XDH: variants seen among roughly 807,000 people sequenced by gnomAD.
The protein encoded by XDH is xanthine dehydrogenase/oxidase.
XDH carries 138 observed loss-of-function variants against 156.1 expected under a neutral mutation model. The ratio of observed to expected loss-of-function variants is 0.88; its 90% CI spans 0.77 to 1.02. XDH has a LOEUF of 1.02. XDH is among the 50% of genes least tolerant of loss of function. The pLI is 0.00. For missense variants in XDH, 1,849 were observed against 1,684.9 expected (o/e 1.10, Z -1.71); for synonymous variants, 669 against 625.7 (o/e 1.07, Z -1.03).
At chr2:31,397,381 G>T (rs1378466636) in intron 6 of XDH, among the ~76,000 whole-genome samples, 2 of 152,180 alleles carry the variant, frequency 1.3e-5, no homozygotes, top group Non-Finnish European at 2.9e-5. Flanking sequence ...AAGCCCAAAG[G>T]CACTGCCAAG....
intron 20 of XDH, among the ~76,000 whole-genome samples, chr2:31,367,385 C>T: frequency 6.6e-6 from 1 of 152,302 alleles, no homozygotes; most frequent in African/African-American, 2.4e-5. Flanking sequence ...AGCTACCAGG[C>T]CTGGTGGAGA....
chr2:31,396,146 T>C (rs899095141), intron 6 of XDH, among the ~76,000 whole-genome samples: 1 of 152,200 alleles, frequency 6.6e-6, no homozygotes, highest in African/African-American at 2.4e-5. Flanking sequence ...GCACCTTTTG[T>C]GTGTCAGGCA....
intron 24 of XDH, among the ~76,000 whole-genome samples, chr2:31,363,556 G>C (rs1442399725): frequency 6.6e-6 from 1 of 152,100 alleles, no homozygotes; most frequent in African/African-American, 2.4e-5. Context: ...AACAACTCTT[G>C]AAATTTACTA....
chr2:31,336,211 A>G (rs886163696), intron 35 of XDH, among the ~76,000 whole-genome samples: 1 of 152,260 alleles, frequency 6.6e-6, no homozygotes, highest in Non-Finnish European at 1.5e-5. Context: ...CACTTTCCAC[A>G]TGGCAGGCGT....
At chr2:31,390,118 T>A (rs1179291815) in intron 6 of XDH, among the ~76,000 whole-genome samples, 2 of 152,234 alleles carry the variant, frequency 1.3e-5, no homozygotes, top group East Asian at 3.8e-4. Flanking sequence ...ACCCTTATGA[T>A]ATCTTACAGA....
intron 1 of XDH, among the ~76,000 whole-genome samples, chr2:31,409,134 G>A (rs1357194808): frequency 6.6e-6 from 1 of 152,108 alleles, no homozygotes; most frequent in Non-Finnish European, 1.5e-5. Flanking sequence ...TGGTATCAGA[G>A]GCTGGAAAGG....
intron 28 of XDH, 94 bp downstream of exon 28, chr2:31,348,174 C>T (rs1558678400): frequency 2.2e-5 from 29 of 1,300,546 alleles, no homozygotes; most frequent in African/African-American, 4.4e-5. Flanking sequence ...GGCCAGACCC[C>T]GGGCCTGCTT....
chr2:31,381,658 C>T lies in XDH; in HGVS notation c.1107G>A (p.Gly369=), dbSNP rs775590084. The T allele has an allele frequency of 6.2e-7, 1 of 1,614,100 alleles. No homozygotes were observed. The highest frequency in any genetic ancestry group is 1.7e-5 in the Admixed American group (1 of 60,020). The change falls in exon 12 of 36, where the codon GGG becomes GGA. Residue 369 remains glycine, a synonymous_variant. Coordinates refer to ENST00000379416, the MANE Select transcript of XDH (RefSeq NM_000379.4). The part of the protein sequence containing the change: ...SDLNPVFMAS[G]AKLTLVSRGT... ...CTCTGGACACAAGTGTCAGCTTGGC[C>T]CCACTGGCCATGAACACGGGGTTGA... is the stretch of plus-strand genomic sequence containing the variant.
intron 6 of XDH, among the ~76,000 whole-genome samples, chr2:31,395,581 C>G (rs1178193627): frequency 6.6e-6 from 1 of 152,136 alleles, no homozygotes; most frequent in African/African-American, 2.4e-5. Context: ...AGGTAAAACT[C>G]ACAAAGGTGT....
At chr2:31,341,020 G>A (rs772662290) in intron 33 of XDH, among the ~76,000 whole-genome samples, 4 of 152,146 alleles carry the variant, frequency 2.6e-5, no homozygotes, top group African/African-American at 7.2e-5. Flanking sequence ...CCCATTCTAC[G>A]TTGTGCTCAC....
rs773046545 is a variant in XDH at position 31,403,118 on chromosome 2, A to T, written c.127T>A (p.Cys43Ser). ...CAAGCCCCGCAGCCCCCCTCTCCAC[A>T]GCCGAGCTTGGTTCCACTCAGCCCC... is the stretch of plus-strand genomic sequence containing the variant. ...KLGLSGTKLG[C>S]GEGGCGACTV... The change falls in exon 3 of 36, where the codon TGT becomes AGT. Residue 43 changes from cysteine to serine, a missense_variant. By Grantham distance (112) the Cys-to-Ser change is moderately radical. Transcript: ENST00000379416. 6.2e-7 allele frequency: 1 copy of T among 1,614,174 alleles called. No homozygotes were observed. Among genetic ancestry groups the T allele is most frequent in the Non-Finnish European group, 8.5e-7 (1 of 1,180,022 alleles).
intron 35 of XDH, 70 bp downstream of exon 35, chr2:31,337,571 C>T: frequency 6.2e-7 from 1 of 1,608,478 alleles, no homozygotes; most frequent in Non-Finnish European, 8.5e-7. Flanking sequence ...CTGTGCAGAA[C>T]CTTCCCTGCA....
chr2:31,387,525 T>G (rs1050152990), intron 8 of XDH, among the ~76,000 whole-genome samples: 2 of 152,314 alleles, frequency 1.3e-5, no homozygotes, highest in Admixed American at 6.5e-5. Flanking sequence ...CTACACAGTG[T>G]GCCTAGAGAG....
At chr2:31,347,792 T>C in intron 28 of XDH, 142 bp from the exon 29 acceptor site, 1 of 1,175,802 alleles carries the variant, frequency 8.5e-7, no homozygotes, top group Non-Finnish European at 1.2e-6. Flanking sequence ...TGGGATGTCC[T>C]TACATCTGGC....
chr2:31,385,960 A>G (rs1686579114), intron 9 of XDH, among the ~76,000 whole-genome samples: 1 of 152,100 alleles, frequency 6.6e-6, no homozygotes, highest in Non-Finnish European at 1.5e-5. Context: ...CCTCCCTTAG[A>G]CTAGAAGGCC....
At chr2:31,412,288 C>A (rs928771598) in intron 1 of XDH, among the ~76,000 whole-genome samples, 4 of 152,194 alleles carry the variant, frequency 2.6e-5, no homozygotes, top group East Asian at 1.9e-4. Flanking sequence ...TAGAGGTATT[C>A]GACTTCTTGC....
At chr2:31,377,338 CA>C in intron 13 of XDH, 101 bp from the exon 14 acceptor site, 2 of 1,262,258 alleles carry the variant, frequency 1.6e-6, no homozygotes, top group Non-Finnish European at 2.3e-6. Flanking sequence ...GAGGGGATAA[CA>C]CCATCACACA....
intron 2 of XDH, among the ~76,000 whole-genome samples, chr2:31,405,380 C>A (rs748252463): frequency 3.9e-4 from 59 of 151,762 alleles, no homozygotes; most frequent in Non-Finnish European, 7.2e-4. Flanking sequence ...AGAGCAGCAC[C>A]CCAGTCTTTC....
chr2:31,364,564 G>A (rs576087297), intron 23 of XDH, among the ~76,000 whole-genome samples: 1 of 152,060 alleles, frequency 6.6e-6, no homozygotes, highest in Non-Finnish European at 1.5e-5. Context: ...GGCTGGTCAC[G>A]ATAGGGCGGG....
Sources: gnomAD v4.1 joint callset for allele counts (sites outside exome capture counted in the v4.1 genomes callset) on GRCh38, gnomAD v4.1.1 for gene constraint, MANE v1.5 for transcripts, NCBI Gene and HGNC (gene_info 2026-07-23, HGNC 2026-07-21) for gene names.